The following RPS6KC1 variants were observed in gnomAD, a reference collection of about 807,000 sequenced individuals.
RPS6KC1 encodes inactive ribosomal protein S6 kinase delta-1.
In RPS6KC1, 54 loss-of-function variants were observed where a neutral mutation model predicts 103.8. The ratio of observed to expected loss-of-function variants is 0.52; its 90% CI spans 0.42 to 0.65. RPS6KC1 has a LOEUF of 0.65. Among genes scored for constraint, RPS6KC1 ranks in the 30% least tolerant of loss-of-function variants. RPS6KC1 has a pLI of 0.00. For missense variants in RPS6KC1, 1,151 were observed against 1,253.8 expected (o/e 0.92, Z 1.24); for synonymous variants, 439 against 438.7 (o/e 1.00, Z -0.01).
the RPS6KC1 span, among the ~76,000 whole-genome samples, chr1:213,555,298 G>A: frequency 3.9e-5 from 6 of 152,208 alleles, no homozygotes; most frequent in Non-Finnish European, 8.8e-5. Context: ...TGGCAGCAAG[G>A]CCCTTGGCAG....
At chr1:213,186,197 T>C (rs2092523199) in intron 8 of RPS6KC1, among the ~76,000 whole-genome samples, 1 of 152,034 alleles carries the variant, frequency 6.6e-6, no homozygotes, top group Non-Finnish European at 1.5e-5. Context: ...TTTTTCTTTT[T>C]TTTTTTAAAC....
chr1:213,397,582 AACACAT>A, the RPS6KC1 span, among the ~76,000 whole-genome samples: 5 of 89,014 alleles, frequency 5.6e-5, no homozygotes, highest in Non-Finnish European at 1.2e-4. Flanking sequence ...AAGAGTCAGG[AACACAT>A]ACACACACAC....
At chr1:213,543,531 G>A in the RPS6KC1 span, among the ~76,000 whole-genome samples, 1 of 152,236 alleles carries the variant, frequency 6.6e-6, no homozygotes, top group East Asian at 1.9e-4. Flanking sequence ...TAATAATTGG[G>A]GTTAGGAGGA....
rs112402834 is a variant in RPS6KC1, at chr1:213,166,124, GT to G, written c.836-1722del. On this transcript the variant is annotated intron_variant, in intron 6 of 14. Coordinates refer to ENST00000366960, the MANE Select transcript of RPS6KC1 (RefSeq NM_012424.6). ...TTTCGAATTCCAAATTATTTGGTGA[GT>G]TTTTTTTTTTTACGAAGCAAATTTT... 4.6e-4 allele frequency among the ~76,000 whole-genome samples: 67 copies of G among 145,828 alleles called. 1 individual carries two copies. The Middle Eastern group carries it at 0.011, about 23-fold the overall frequency.
intron 5 of RPS6KC1, among the ~76,000 whole-genome samples, chr1:213,127,349 T>C (rs188909470): frequency 6.6e-6 from 1 of 152,334 alleles, no homozygotes; most frequent in East Asian, 1.9e-4. Flanking sequence ...AAACCAATGC[T>C]AATTTTTCCT....
intron 1 of RPS6KC1, among the ~76,000 whole-genome samples, chr1:213,057,294 T>A (rs962121402): frequency 8.5e-5 from 13 of 152,152 alleles, no homozygotes; most frequent in African/African-American, 3.1e-4. Flanking sequence ...GCTTGGACTA[T>A]AGTAGGGATT....
chr1:213,526,062 A>C, the RPS6KC1 span, among the ~76,000 whole-genome samples: 1 of 152,138 alleles, frequency 6.6e-6, no homozygotes, highest in Non-Finnish European at 1.5e-5. Context: ...TTGCTGGCAA[A>C]AATAGTCCAG....
chr1:213,492,768 GTC>G, the RPS6KC1 span, among the ~76,000 whole-genome samples: 2 of 152,162 alleles, frequency 1.3e-5, no homozygotes, highest in African/African-American at 4.8e-5. Context: ...GAACAATTCT[GTC>G]CCCATGTTAT....
the RPS6KC1 span, among the ~76,000 whole-genome samples, chr1:213,776,876 A>G: frequency 2.6e-5 from 4 of 152,160 alleles, no homozygotes. Context: ...TAGTTTTTAC[A>G]TCAGTGCTTG....
chr1:213,205,763 C>A (rs959632468), intron 8 of RPS6KC1, among the ~76,000 whole-genome samples: 3 of 151,394 alleles, frequency 2.0e-5, no homozygotes, highest in African/African-American at 7.3e-5. Context: ...GTATCCCTAT[C>A]AGTTAAATGT....
the RPS6KC1 span, among the ~76,000 whole-genome samples, chr1:213,776,140 C>T: frequency 5.9e-5 from 9 of 152,194 alleles, no homozygotes; most frequent in African/African-American, 2.2e-4. Context: ...GGGTTTGAAT[C>T]AACTTATTTC....
the RPS6KC1 span, among the ~76,000 whole-genome samples, chr1:213,676,810 GT>G: frequency 6.6e-6 from 1 of 152,206 alleles, no homozygotes; most frequent in East Asian, 1.9e-4. Context: ...CTGAGATCAA[GT>G]TTTAAAATGC....
the RPS6KC1 span, among the ~76,000 whole-genome samples, chr1:213,335,512 C>A: frequency 6.6e-6 from 1 of 152,150 alleles, no homozygotes; most frequent in East Asian, 1.9e-4. Context: ...GTATTCTAAC[C>A]AGCAGAAAGG....
chr1:213,280,331 C>T, the RPS6KC1 span, among the ~76,000 whole-genome samples: 3 of 152,118 alleles, frequency 2.0e-5, no homozygotes, highest in South Asian at 6.2e-4. Flanking sequence ...CTTCTGTTAC[C>T]CATTTCAGAA....
the RPS6KC1 span, among the ~76,000 whole-genome samples, chr1:213,677,535 G>T: frequency 7.8e-4 from 119 of 152,330 alleles, no homozygotes; most frequent in Non-Finnish European, 1.3e-3. Context: ...GGCATCAGTA[G>T]ATTTTAGGAA....
intron 8 of RPS6KC1, among the ~76,000 whole-genome samples, chr1:213,204,909 A>G (rs2093291731): frequency 6.6e-6 from 1 of 152,198 alleles, no homozygotes; most frequent in South Asian, 2.1e-4. Flanking sequence ...GATTACAAGC[A>G]TAAACCACAA....
the RPS6KC1 span, among the ~76,000 whole-genome samples, chr1:213,293,498 A>G: frequency 1.3e-5 from 2 of 152,176 alleles, no homozygotes; most frequent in Non-Finnish European, 2.9e-5. Flanking sequence ...GCTTTTTGAG[A>G]CATTGGTCAT....
At chr1:213,734,593 T>C in the RPS6KC1 span, among the ~76,000 whole-genome samples, 1 of 152,212 alleles carries the variant, frequency 6.6e-6, no homozygotes, top group Non-Finnish European at 1.5e-5. Flanking sequence ...ACATATCTTA[T>C]GCAGCTGTAT....
At chr1:213,488,237 G>C in the RPS6KC1 span, among the ~76,000 whole-genome samples, 2 of 152,196 alleles carry the variant, frequency 1.3e-5, no homozygotes, top group East Asian at 3.9e-4. Context: ...CTGGCATGTA[G>C]CTGGCAATGG....
Sources: allele counts gnomAD v4.1 joint callset (sites outside exome capture counted in the v4.1 genomes callset), GRCh38; gene constraint gnomAD v4.1.1; transcripts MANE v1.5; gene names NCBI Gene and HGNC (gene_info 2026-07-23, HGNC 2026-07-21).